Variants in ATP7A observed in about 807,000 individuals in gnomAD.
ATP7A encodes copper-transporting ATPase 1.
Under a neutral mutation model 83.5 loss-of-function variants are expected in ATP7A, and 7 were observed. The ratio of observed to expected loss-of-function variants is 0.08; its 90% CI spans 0.05 to 0.16. The LOEUF (loss-of-function observed/expected upper bound fraction) is 0.16. ATP7A is among the 10% of genes least tolerant of loss of function. The pLI is 1.00. For synonymous variants in ATP7A, 354 were observed against 395.2 expected (o/e 0.90, Z 1.24); for missense variants, 940 against 1,120.8 (o/e 0.84, Z 2.30).
At chrX:78,002,049 C>A (rs1414570198) in intron 5 of ATP7A, among the ~76,000 whole-genome samples, 1 of 105,252 alleles carries the variant, frequency 9.5e-6, no homozygotes, top group African/African-American at 3.5e-5. Context: ...ATTATGATTT[C>A]ATAAGTGCAT....
intron 1 of ATP7A, among the ~76,000 whole-genome samples, chrX:77,951,065 C>T (rs974428413): frequency 9.0e-5 from 10 of 111,366 alleles, no homozygotes; most frequent in African/African-American, 3.3e-4. Flanking sequence ...TCAAATTCAG[C>T]GATTTCTAGT....
rs181039592 is a variant in ATP7A, at chrX:78,009,779, G to A, written c.1869+516G>A. ...TCAAGACCATCCTGGGCAATGTAGCGAGACCCTGTCTCTGCAACAAAAATT... is the reference window on the plus strand; with the variant it reads ...TCAAGACCATCCTGGGCAATGTAGCAAGACCCTGTCTCTGCAACAAAAATT... On this transcript the variant is annotated intron_variant, in intron 7 of 22. Coordinates refer to ENST00000341514, the MANE Select transcript of ATP7A (RefSeq NM_000052.7). Among the ~76,000 whole-genome samples, 73 of 112,208 alleles carry A rather than the reference G, an allele frequency of 6.5e-4. 2 individuals carry two copies. In the South Asian group the frequency reaches 0.024, roughly 37 times the overall value.
At chrX:77,975,481 C>CA (rs2077571604) in intron 2 of ATP7A, 1 of 54,799 alleles carries the variant, frequency 1.8e-5, no homozygotes, top group Non-Finnish European at 3.1e-5. Flanking sequence ...ATTATGCTTA[C>CA]TTTTTTTTTT....
At chrX:78,003,437 CA>C (rs1414664545) in intron 6 of ATP7A, among the ~76,000 whole-genome samples, 1 of 107,664 alleles carries the variant, frequency 9.3e-6, no homozygotes, top group Non-Finnish European at 1.9e-5. Context: ...CTCTGTTAAC[CA>C]AAAAAGAATT....
chrX:78,018,003 C>A (rs1464782589), intron 12 of ATP7A, among the ~76,000 whole-genome samples: 1 of 105,180 alleles, frequency 9.5e-6, no homozygotes, highest in Non-Finnish European at 2.0e-5. Context: ...GTCTCAATCT[C>A]CTGACCTCGT....
Position 77,995,567 on chromosome X carries a change from C to CAA in ATP7A, c.1337-2891_1337-2890dup, listed in dbSNP as rs1232051931. ...GGGTGACAAGAGCGAGACTCCATCT[C>CAA]AAAAAAAAAAAAAAAAAAAAAGAGG... On this transcript the variant is annotated intron_variant, in intron 4 of 22. Transcript: ENST00000341514. Among the ~76,000 whole-genome samples the CAA allele has an allele frequency of 9.2e-4, 32 of 34,920 alleles. 1 individual carries two copies. Among genetic ancestry groups the CAA allele is most frequent in the South Asian group, 2.1e-3 (1 of 475 alleles). 30.3% of individuals were successfully genotyped at this position (34,920 alleles called of 115,157 possible).
chrX:78,007,434 T>A (rs1302231909), intron 6 of ATP7A, among the ~76,000 whole-genome samples: 1 of 111,360 alleles, frequency 9.0e-6, no homozygotes, highest in Non-Finnish European at 1.9e-5. Context: ...CACACCATTC[T>A]CCTGCCTCAG....
rs1405521775 is a variant in ATP7A at position 78,050,136 on chromosome X, C to T, written c.*3566C>T. 3 of 112,305 alleles carry T rather than the reference C, an allele frequency of 2.7e-5. No homozygotes were observed. Among genetic ancestry groups the T allele is most frequent in the African/African-American group, 9.7e-5 (3 of 30,868 alleles). The allele number at this position is 112,305 out of a possible 1,213,427, so 9.3% of individuals were successfully genotyped here. The stretch of plus-strand genomic sequence containing the variant: ...AGTTCTTGTTCTTCAGTTAAAAGAG[C>T]TTCTTTCACAGTGTTGATAACAAAT... On this transcript the variant is annotated 3_prime_UTR_variant, in exon 23 of 23. Transcript: ENST00000341514.
intron 2 of ATP7A, among the ~76,000 whole-genome samples, chrX:77,973,963 T>C (rs1027181465): frequency 9.0e-6 from 1 of 111,687 alleles, no homozygotes; most frequent in African/African-American, 3.3e-5. Flanking sequence ...TTTATGTTTT[T>C]GAATGCTGTT....
At chrX:78,031,054 A>G (rs1021525906) in intron 15 of ATP7A, among the ~76,000 whole-genome samples, 1 of 111,016 alleles carries the variant, frequency 9.0e-6, no homozygotes, top group African/African-American at 3.3e-5. Flanking sequence ...TCTATAATTC[A>G]TTATATTGAA....
rs782292783 is a variant in ATP7A, at chrX:78,025,654, C to T, written c.2917-3596C>T. Among the ~76,000 whole-genome samples, 8 of 111,198 alleles carry T rather than the reference C, an allele frequency of 7.2e-5. No homozygotes were observed. The South Asian group carries it at 3.0e-3, about 42-fold the overall frequency. ...GGCATTAGAATATCCAAAGTCAATG[C>T]AAAAGAAAAATATCTTAAAGGCAGC... On this transcript the variant is annotated intron_variant, in intron 14 of 22. Coordinates refer to ENST00000341514, the MANE Select transcript of ATP7A (RefSeq NM_000052.7).
In ATP7A at chrX:77,960,473, A is replaced by G. The variant is rs144337085; in HGVS notation, c.-21-11148A>G. On this transcript the variant is annotated intron_variant, in intron 1 of 22. Transcript: ENST00000341514. The stretch of plus-strand genomic sequence containing the variant: ...ACTGCATGATTATTGAGAATACAGG[A>G]GCCTTTCCCAAATTATAAGTGCTGA... Among the ~76,000 whole-genome samples the G allele has an allele frequency of 3.1e-4, 35 of 112,779 alleles. 1 individual carries two copies. In the East Asian group the frequency reaches 9.7e-3, roughly 31 times the overall value.
intron 4 of ATP7A, among the ~76,000 whole-genome samples, chrX:77,990,411 G>A (rs1267368002): frequency 8.9e-6 from 1 of 111,893 alleles, no homozygotes; most frequent in African/African-American, 3.2e-5. Flanking sequence ...AATTTTAACA[G>A]TGATTATCTT....
At chrX:77,974,659 T>C (rs917022348) in intron 2 of ATP7A, 1 of 288,698 alleles carries the variant, frequency 3.5e-6, no homozygotes, top group African/African-American at 2.8e-5. Context: ...TTGCTGAGGG[T>C]TTTTTTAAAC....
intron 9 of ATP7A, among the ~76,000 whole-genome samples, chrX:78,012,183 C>T (rs1569549901): frequency 9.0e-6 from 1 of 111,081 alleles, no homozygotes; most frequent in South Asian, 3.7e-4. Context: ...ACTCTTTTTT[C>T]GAGATAAACT....
chrX:77,961,987 A>G (rs1256483064), intron 1 of ATP7A, among the ~76,000 whole-genome samples: 1 of 112,334 alleles, frequency 8.9e-6, no homozygotes, highest in Non-Finnish European at 1.9e-5. Context: ...GGGGGAAAAG[A>G]GATATGGAAG....
chrX:78,026,870 C>T lies in ATP7A; in HGVS notation c.2917-2380C>T, dbSNP rs781932796. On this transcript the variant is annotated intron_variant, in intron 14 of 22. Transcript: ENST00000341514. ...AACAATGAAGTTAATGCATTTCGGC[C>T]GGGCGCGGTGGCTCATGCCTGTAAT... Among the ~76,000 whole-genome samples, 4 of 111,642 alleles carry T rather than the reference C, an allele frequency of 3.6e-5. No individual in the cohort carries two copies. In the East Asian group the frequency reaches 8.4e-4, roughly 23 times the overall value.
chrX:77,933,306 TA>T (rs1233934079), intron 1 of ATP7A, among the ~76,000 whole-genome samples: 3 of 111,219 alleles, frequency 2.7e-5, no homozygotes, highest in Admixed American at 9.5e-5. Context: ...TGAGTCTGTT[TA>T]AAAAAAACTG....
At chrX:78,038,065 G>A (rs782063857) in intron 17 of ATP7A, among the ~76,000 whole-genome samples, 5 of 99,178 alleles carry the variant, frequency 5.0e-5, no homozygotes, top group Non-Finnish European at 1.0e-4. Flanking sequence ...GAGAATTGTT[G>A]GGTTGGAGAG....
Sources: gnomAD v4.1 joint callset for allele counts (sites outside exome capture counted in the v4.1 genomes callset) on GRCh38, gnomAD v4.1.1 for gene constraint, MANE v1.5 for transcripts, NCBI Gene and HGNC (gene_info 2026-07-23, HGNC 2026-07-21) for gene names.